The following AP2B1 variants were observed in gnomAD, a reference collection of about 807,000 sequenced individuals.
The protein encoded by AP2B1 is adaptor related protein complex 2 subunit beta 1, also known as AP-2 complex subunit beta.
A neutral mutation model predicts 102.0 loss-of-function variants in AP2B1; 23 were observed. The ratio of observed to expected loss-of-function variants is 0.23; its 90% CI spans 0.16 to 0.32. AP2B1 has a LOEUF of 0.32. AP2B1 is among the 10% of genes least tolerant of loss of function. The pLI is 1.00. For synonymous variants in AP2B1, 381 were observed against 421.2 expected (o/e 0.90, Z 1.17); for missense variants, 541 against 1,157.4 (o/e 0.47, Z 7.73).
chr17:35,610,714 T>C (rs1006041308), intron 5 of AP2B1, among the ~76,000 whole-genome samples: 2 of 151,824 alleles, frequency 1.3e-5, no homozygotes, highest in Non-Finnish European at 2.9e-5. Flanking sequence ...AGGACCATCC[T>C]GGCTAACGCG....
chr17:35,720,473 TA>T (rs1185041163), intron 21 of AP2B1, among the ~76,000 whole-genome samples: 9 of 145,302 alleles, frequency 6.2e-5, no homozygotes, highest in East Asian at 2.1e-4. Flanking sequence ...AAATAAAAGT[TA>T]AAAAAAATAG....
intron 3 of AP2B1, among the ~76,000 whole-genome samples, chr17:35,598,957 CA>C (rs2073384548): frequency 6.6e-6 from 1 of 152,136 alleles, no homozygotes; most frequent in Non-Finnish European, 1.5e-5. Flanking sequence ...AGTGATGGTG[CA>C]AAGCAGTGGT....
intron 18 of AP2B1, among the ~76,000 whole-genome samples, chr17:35,703,479 C>G (rs1243709984): frequency 6.6e-6 from 1 of 152,056 alleles, no homozygotes; most frequent in East Asian, 1.9e-4. Context: ...TACATGTATA[C>G]CGTGGAATAC....
intron 13 of AP2B1, among the ~76,000 whole-genome samples, chr17:35,652,919 T>C (rs1178158996): frequency 6.6e-6 from 1 of 152,226 alleles, no homozygotes; most frequent in Non-Finnish European, 1.5e-5. Flanking sequence ...TTTTATTTAT[T>C]TCTTGTCAGG....
intron 17 of AP2B1, 35 bp from the exon 18 acceptor site, chr17:35,682,660 A>T: frequency 6.3e-7 from 1 of 1,590,086 alleles, no homozygotes; most frequent in Non-Finnish European, 8.6e-7. Flanking sequence ...CTGCCTCTTG[A>T]TTAACCTCTG....
intron 18 of AP2B1, among the ~76,000 whole-genome samples, chr17:35,698,404 G>C (rs1463188011): frequency 1.3e-5 from 2 of 152,150 alleles, no homozygotes; most frequent in African/African-American, 2.4e-5. Context: ...TGACCTCCCA[G>C]ACTCAAGCAA....
intron 21 of AP2B1, among the ~76,000 whole-genome samples, chr17:35,721,273 A>G (rs2085383793): frequency 6.6e-6 from 1 of 152,188 alleles, no homozygotes; most frequent in South Asian, 2.1e-4. Context: ...TCCACACCAT[A>G]TGCCAAAAGT....
intron 2 of AP2B1, among the ~76,000 whole-genome samples, chr17:35,594,776 T>C (rs1232613153): frequency 3.3e-5 from 5 of 152,234 alleles, no homozygotes; most frequent in African/African-American, 1.2e-4. Flanking sequence ...TCATCTTTGT[T>C]ATCAGTAATA....
At chr17:35,625,820 G>A (rs1026271680) in intron 6 of AP2B1, among the ~76,000 whole-genome samples, 1 of 151,998 alleles carries the variant, frequency 6.6e-6, no homozygotes, top group Non-Finnish European at 1.5e-5. Context: ...TCACTGAGAA[G>A]GTGGCATTCA....
intron 9 of AP2B1, 71 bp from the exon 10 acceptor site, chr17:35,636,270 A>C: frequency 8.9e-7 from 1 of 1,127,876 alleles, no homozygotes; most frequent in Non-Finnish European, 1.3e-6. Context: ...GCATGTTTCA[A>C]AATTTTTATG....
At chr17:35,661,847 C>T (rs1277267987) in intron 14 of AP2B1, among the ~76,000 whole-genome samples, 1 of 152,102 alleles carries the variant, frequency 6.6e-6, no homozygotes, top group African/African-American at 2.4e-5. Flanking sequence ...ATTCGGCCAG[C>T]GTTAAGATGT....
intron 12 of AP2B1, 77 bp from the exon 13 acceptor site, chr17:35,650,453 A>G (rs2075059308): frequency 6.6e-7 from 1 of 1,522,264 alleles, no homozygotes; most frequent in Admixed American, 1.9e-5. Flanking sequence ...ACATTGGTTG[A>G]TGATAAATCC....
intron 14 of AP2B1, among the ~76,000 whole-genome samples, chr17:35,662,555 A>T (rs1314140704): frequency 1.6e-4 from 18 of 113,884 alleles, no homozygotes; most frequent in East Asian, 4.9e-4. Flanking sequence ...TTTTTTTATG[A>T]CTCTGGTACT....
At chr17:35,711,617 A>T (rs587672208) in intron 20 of AP2B1, among the ~76,000 whole-genome samples, 53 of 152,066 alleles carry the variant, frequency 3.5e-4, no homozygotes, top group Non-Finnish European at 5.7e-4. Context: ...TACAGGCGCC[A>T]GCCACCACAC....
chr17:35,700,719 G>A (rs2076223639), intron 18 of AP2B1, among the ~76,000 whole-genome samples: 1 of 152,204 alleles, frequency 6.6e-6, no homozygotes, highest in South Asian at 2.1e-4. Context: ...CCACCATAAA[G>A]AGATTGTAGC....
intron 12 of AP2B1, among the ~76,000 whole-genome samples, chr17:35,643,590 A>G (rs955807298): frequency 3.3e-5 from 5 of 152,202 alleles, no homozygotes; most frequent in African/African-American, 1.2e-4. Flanking sequence ...TGCTTAAAGG[A>G]TACAAGGTAG....
rs2075381240 is a variant in AP2B1 at position 35,662,541 on chromosome 17, T to TG, written c.1989+4750_1989+4751insG. 2.7e-5 allele frequency among the ~76,000 whole-genome samples: 4 copies of TG among 150,350 alleles called. No homozygotes were observed. In the South Asian group the frequency reaches 6.3e-4, roughly 24 times the overall value. ...TTTTGGGTTTGGGTTTGTTTTTTTT[T>TG]TTTTTTTTTTATGACTCTGGTACTT... is the stretch of plus-strand genomic sequence containing the variant. On this transcript the variant is annotated intron_variant, in intron 14 of 21. Transcript: ENST00000610402.
chr17:35,611,083 A>G (rs188105552), intron 5 of AP2B1, among the ~76,000 whole-genome samples: 61 of 152,242 alleles, frequency 4.0e-4, no homozygotes, highest in Non-Finnish European at 2.5e-4. Context: ...TCAAAAATAT[A>G]GAAAAATAAA....
rs143334109 is a variant in AP2B1, at chr17:35,694,236, A to G, written c.2454+11412A>G. Among the ~76,000 whole-genome samples the G allele has an allele frequency of 1.4e-3, 217 of 152,168 alleles. 2 individuals carry two copies. The Middle Eastern group carries it at 0.041, about 29-fold the overall frequency. Reference sequence around the variant, plus strand: ...GATTTTTTGATTCAATACAGTATGTATTAAATGCTTTTGTTTGTTTTTTTT... The same window carrying G: ...GATTTTTTGATTCAATACAGTATGTGTTAAATGCTTTTGTTTGTTTTTTTT... On this transcript the variant is annotated intron_variant, in intron 18 of 21. Coordinates refer to ENST00000610402, the MANE Select transcript of AP2B1 (RefSeq NM_001030006.2).
Sources: gnomAD v4.1 joint callset for allele counts (sites outside exome capture counted in the v4.1 genomes callset) on GRCh38, gnomAD v4.1.1 for gene constraint, MANE v1.5 for transcripts, NCBI Gene and HGNC (gene_info 2026-07-23, HGNC 2026-07-21) for gene names.